The following DAB1 variants were observed in gnomAD, a reference collection of about 807,000 sequenced individuals.
DAB1 encodes the protein disabled homolog 1.
Under a neutral mutation model 64.6 loss-of-function variants are expected in DAB1, and 15 were observed. That is an observed-to-expected ratio of 0.23 (90% confidence interval 0.16 to 0.36). The LOEUF is 0.36. DAB1 is among the 10% of genes least tolerant of loss of function. The pLI, the probability that DAB1 is intolerant of heterozygous loss-of-function variation, is 1.00. For missense variants in DAB1, 596 were observed against 706.7 expected, an observed-to-expected ratio of 0.84 and a Z score of 1.78; for synonymous variants, 235 against 251.9, an observed-to-expected ratio of 0.93 and a Z score of 0.64.
At chr1:58,468,667 G>C (rs922212117) in intron 3 of DAB1, 1 of 152,384 alleles carries the variant, frequency 6.6e-6, no homozygotes, top group African/African-American at 2.4e-5. Context: ...CGAGAAAGGA[G>C]AGTGGGAAAG....
intron 3 of DAB1, among the ~76,000 whole-genome samples, chr1:58,417,322 C>T (rs771816042): frequency 3.3e-5 from 5 of 152,204 alleles, no homozygotes; most frequent in African/African-American, 4.8e-5. Flanking sequence ...GAACCAGGGG[C>T]GGGATCTTGG....
intron 2 of DAB1, among the ~76,000 whole-genome samples, chr1:57,170,286 A>T (rs1661621777): frequency 6.6e-6 from 1 of 152,170 alleles, no homozygotes; most frequent in Non-Finnish European, 1.5e-5. Context: ...GGTGTGAGCC[A>T]CCATGCCCAG....
intron 2 of DAB1, among the ~76,000 whole-genome samples, chr1:58,516,449 A>AGTT (rs2100439891): frequency 6.6e-6 from 1 of 152,352 alleles, no homozygotes; most frequent in East Asian, 1.9e-4. Context: ...AAGACTGAAC[A>AGTT]GCTTGTTATT....
At chr1:58,103,928 C>A (rs561198698) in intron 5 of DAB1, among the ~76,000 whole-genome samples, 1 of 152,294 alleles carries the variant, frequency 6.6e-6, no homozygotes, top group East Asian at 1.9e-4. Context: ...CACCCTTTCA[C>A]TTTTCCTCCC....
chr1:57,990,760 G>A (rs112111902), intron 5 of DAB1, among the ~76,000 whole-genome samples: 99 of 152,204 alleles, frequency 6.5e-4, no homozygotes, highest in African/African-American at 2.3e-3. Flanking sequence ...CCGGGGGAGG[G>A]GCCCAGACAG....
At chr1:57,157,641 C>T (rs928689459) in intron 2 of DAB1, among the ~76,000 whole-genome samples, 1 of 151,850 alleles carries the variant, frequency 6.6e-6, no homozygotes, top group African/African-American at 2.4e-5. Flanking sequence ...GCCACTAATC[C>T]CATCATGAAT....
chr1:57,288,433 G>A (rs993105115), intron 2 of DAB1, among the ~76,000 whole-genome samples: 1 of 152,108 alleles, frequency 6.6e-6, no homozygotes, highest in South Asian at 2.1e-4. Context: ...TGGGGCCTTT[G>A]GAAGGTAATT....
intron 3 of DAB1, among the ~76,000 whole-genome samples, chr1:58,454,961 G>A (rs993165164): frequency 1.3e-5 from 2 of 152,184 alleles, no homozygotes; most frequent in African/African-American, 2.4e-5. Context: ...CAGTGGTGAC[G>A]TGTACCATCC....
intron 4 of DAB1, among the ~76,000 whole-genome samples, chr1:58,325,870 A>G (rs1029966670): frequency 1.3e-5 from 2 of 152,182 alleles, no homozygotes; most frequent in African/African-American, 2.4e-5. Context: ...GTGAGAGGTG[A>G]AGCTTTATTG....
chr1:57,046,222 C>T (rs996131889), intron 9 of DAB1, among the ~76,000 whole-genome samples: 2 of 152,138 alleles, frequency 1.3e-5, no homozygotes, highest in African/African-American at 4.8e-5. Flanking sequence ...GATTGTTAAG[C>T]AATGAAGCCT....
At chr1:57,382,732 A>G (rs568567486) in intron 1 of DAB1, among the ~76,000 whole-genome samples, 1 of 152,268 alleles carries the variant, frequency 6.6e-6, no homozygotes, top group East Asian at 1.9e-4. Flanking sequence ...CAGCTTTTAG[A>G]GATTCAGATG....
At chr1:58,157,299 G>C (rs1655277895) in intron 4 of DAB1, among the ~76,000 whole-genome samples, 1 of 152,180 alleles carries the variant, frequency 6.6e-6, no homozygotes, top group Non-Finnish European at 1.5e-5. Flanking sequence ...GCCTCAGAAT[G>C]GCCTTTGTGC....
In DAB1 at chr1:57,324,775, G is replaced by C. The variant is rs191135913; in HGVS notation, c.-136-33609C>G. ...CCTCCCAAGTTTGGCCCTTGTCTCT[G>C]CTGCCTAGCACTCTCCATTTCTTCT... On this transcript the variant is annotated intron_variant, in intron 1 of 14. Coordinates refer to ENST00000371236, the MANE Select transcript of DAB1 (RefSeq NM_001365792.1). Among the ~76,000 whole-genome samples, 30 of 152,080 alleles carry C rather than the reference G, an allele frequency of 2.0e-4. No individual in the cohort carries two copies. In the East Asian group the frequency reaches 5.1e-3, roughly 26 times the overall value.
At chr1:57,309,043 T>G (rs1462229699) in intron 1 of DAB1, among the ~76,000 whole-genome samples, 1 of 152,212 alleles carries the variant, frequency 6.6e-6, no homozygotes, top group Non-Finnish European at 1.5e-5. Flanking sequence ...TAAAATATTA[T>G]GAAATTTTTT....
intron 5 of DAB1, among the ~76,000 whole-genome samples, chr1:58,059,673 T>A (rs933187775): frequency 6.6e-6 from 1 of 152,214 alleles, no homozygotes; most frequent in African/African-American, 2.4e-5. Flanking sequence ...TCTAATGGCA[T>A]AAACAAGCAA....
intron 4 of DAB1, among the ~76,000 whole-genome samples, chr1:57,112,627 C>T (rs900514219): frequency 2.0e-5 from 3 of 152,072 alleles, no homozygotes; most frequent in African/African-American, 7.2e-5. Flanking sequence ...CCATGAGTAA[C>T]AATTCCTTTG....
chr1:58,192,753 G>C (rs892953331), intron 4 of DAB1, among the ~76,000 whole-genome samples: 18 of 152,126 alleles, frequency 1.2e-4, no homozygotes, highest in African/African-American at 3.9e-4. Context: ...ATTGTGAATA[G>C]TGCTGCAATA....
At chr1:58,231,690 G>C (rs916034169) in intron 4 of DAB1, among the ~76,000 whole-genome samples, 26 of 152,192 alleles carry the variant, frequency 1.7e-4, no homozygotes, top group Admixed American at 5.9e-4. Flanking sequence ...TACAAGTATA[G>C]AAACAGGATT....
intron 3 of DAB1, among the ~76,000 whole-genome samples, chr1:58,461,076 C>T (rs1452589664): frequency 6.6e-6 from 1 of 152,174 alleles, no homozygotes; most frequent in Non-Finnish European, 1.5e-5. Flanking sequence ...CACTGGTTAT[C>T]CCAGTGGGCT....
Sources: gnomAD v4.1 joint callset for allele counts (sites outside exome capture counted in the v4.1 genomes callset) on GRCh38, gnomAD v4.1.1 for gene constraint, MANE v1.5 for transcripts, NCBI Gene and HGNC (gene_info 2026-07-23, HGNC 2026-07-21) for gene names.